Variants in HS3ST2 observed in about 807,000 individuals in gnomAD.
HS3ST2 encodes the protein heparan sulfate glucosamine 3-O-sulfotransferase 2.
HS3ST2 carries 17 observed loss-of-function variants against 26.3 expected under a neutral mutation model. The observed-to-expected ratio is 0.65, with a 90% confidence interval of 0.44 to 0.97. HS3ST2 has a LOEUF of 0.97. Ranked by LOEUF, HS3ST2 falls within the 50% of genes least tolerant of loss-of-function variation. The probability of loss-of-function intolerance (pLI) is 0.00; values close to 1 mark genes in which losing one functional copy is unlikely to be tolerated. For missense variants in HS3ST2, 402 were observed against 501.2 expected, an observed-to-expected ratio of 0.80 and a Z score of 1.89; for synonymous variants, 237 against 219.2, an observed-to-expected ratio of 1.08 and a Z score of -0.72.
chr16:22,831,954 G>A (rs1901176590), intron 1 of HS3ST2, among the ~76,000 whole-genome samples: 2 of 151,898 alleles, frequency 1.3e-5, no homozygotes. Flanking sequence ...TGATTTTACT[G>A]GAAGATAATT....
intron 1 of HS3ST2, among the ~76,000 whole-genome samples, chr16:22,893,802 T>C (rs1041208975): frequency 1.3e-5 from 2 of 151,952 alleles, no homozygotes; most frequent in Non-Finnish European, 2.9e-5. Flanking sequence ...TGTTTTTTCT[T>C]TTTTTGAAGC....
chr16:22,862,275 C>CT (rs397855284), intron 1 of HS3ST2, among the ~76,000 whole-genome samples: 10,441 of 123,132 alleles, frequency 0.085, 579 homozygotes, highest in East Asian at 0.14. Context: ...TTCTCCTCAG[C>CT]TTTTTTTTTT....
intron 1 of HS3ST2, among the ~76,000 whole-genome samples, chr16:22,911,758 A>G (rs1285919307): frequency 6.6e-6 from 1 of 152,164 alleles, no homozygotes; most frequent in East Asian, 1.9e-4. Context: ...CTAATCCGGG[A>G]TGATCTCATA....
intron 1 of HS3ST2, among the ~76,000 whole-genome samples, chr16:22,886,786 G>C (rs1260019766): frequency 1.3e-5 from 2 of 151,600 alleles, no homozygotes; most frequent in Non-Finnish European, 2.9e-5. Flanking sequence ...TTTTAAGAGA[G>C]GATCTTGCTC....
chr16:22,839,645 CA>C (rs1436483025), intron 1 of HS3ST2, among the ~76,000 whole-genome samples: 3 of 151,626 alleles, frequency 2.0e-5, no homozygotes, highest in Non-Finnish European at 2.9e-5. Context: ...AGATGACATA[CA>C]GTTTTTTTCC....
chr16:22,895,070 C>CTTTTTTTTTTT (rs55861016), intron 1 of HS3ST2, among the ~76,000 whole-genome samples: 2 of 134,720 alleles, frequency 1.5e-5, no homozygotes, highest in Non-Finnish European at 3.2e-5. Context: ...TTCTTTCTTT[C>CTTTTTTTTTTT]TTTTTTTTTT....
In HS3ST2 at chr16:22,814,998, G is replaced by A. The variant is rs145617070; in HGVS notation, c.388G>A (p.Val130Met). ...CGTGAAGAAGGGGGGCACCCGGGCC[G>A]TGCTGGAGTTTATCCGAGTACACCC... is the stretch of plus-strand genomic sequence containing the variant. ...VGVKKGGTRAVLEFIRVHPDV... is the reference protein window; with the variant it reads ...VGVKKGGTRAMLEFIRVHPDV... The change falls in exon 1 of 2, where the codon GTG (valine) becomes ATG (methionine). Residue 130 changes from valine to methionine, a missense_variant. Transcript: ENST00000261374. The A allele has an allele frequency of 6.2e-7, 1 of 1,613,150 alleles. No individual in the cohort carries two copies. The highest frequency in any genetic ancestry group is 1.1e-5 in the South Asian group (1 of 91,068).
chr16:22,868,752 TG>T (rs1456807331), intron 1 of HS3ST2, among the ~76,000 whole-genome samples: 5 of 152,156 alleles, frequency 3.3e-5, no homozygotes, highest in African/African-American at 9.7e-5. Context: ...GTCCCTGAGC[TG>T]GGGGCGCCTG....
At chr16:22,848,802 T>C (rs986086777) in intron 1 of HS3ST2, among the ~76,000 whole-genome samples, 4 of 152,200 alleles carry the variant, frequency 2.6e-5, no homozygotes, top group South Asian at 2.1e-4. Context: ...GGCTCTATGA[T>C]TATCCCCATG....
At chr16:22,842,019 A>G (rs1596610867) in intron 1 of HS3ST2, among the ~76,000 whole-genome samples, 2 of 143,668 alleles carry the variant, frequency 1.4e-5, no homozygotes, top group South Asian at 2.2e-4. Context: ...TTTTCGCTGT[A>G]TCTTTGGTGT....
At chr16:22,851,621 G>A (rs1034489743) in intron 1 of HS3ST2, among the ~76,000 whole-genome samples, 4 of 152,136 alleles carry the variant, frequency 2.6e-5, no homozygotes, top group African/African-American at 9.7e-5. Context: ...CCTGATTCCT[G>A]GGAGTTTCCC....
intron 1 of HS3ST2, among the ~76,000 whole-genome samples, chr16:22,886,844 T>C (rs1181543937): frequency 1.3e-5 from 2 of 152,084 alleles, no homozygotes; most frequent in East Asian, 3.9e-4. Flanking sequence ...CACTGCAGCC[T>C]GAAGCTCCTG....
intron 1 of HS3ST2, among the ~76,000 whole-genome samples, chr16:22,882,608 C>T (rs1386876399): frequency 1.2e-4 from 19 of 152,160 alleles, no homozygotes; most frequent in Non-Finnish European, 1.5e-5. Context: ...GTGGCATGCG[C>T]CTATAGTCCC....
At chr16:22,912,744 C>T (rs1015105330) in intron 1 of HS3ST2, among the ~76,000 whole-genome samples, 3 of 152,060 alleles carry the variant, frequency 2.0e-5, no homozygotes, top group African/African-American at 7.3e-5. Flanking sequence ...AATTTACCAC[C>T]CTACAAAAAG....
intron 1 of HS3ST2, among the ~76,000 whole-genome samples, chr16:22,820,762 C>A (rs2141174397): frequency 6.6e-6 from 1 of 152,322 alleles, no homozygotes; most frequent in African/African-American, 2.4e-5. Flanking sequence ...GTTACAGGAG[C>A]ATTTTAGGTG....
At chr16:22,862,705 T>C (rs1901696619) in intron 1 of HS3ST2, among the ~76,000 whole-genome samples, 1 of 152,174 alleles carries the variant, frequency 6.6e-6, no homozygotes, top group African/African-American at 2.4e-5. Flanking sequence ...TCAAGGGGTA[T>C]TCAAGGCATG....
intron 1 of HS3ST2, among the ~76,000 whole-genome samples, chr16:22,817,787 G>T (rs758668557): frequency 1.6e-4 from 25 of 152,294 alleles, no homozygotes; most frequent in South Asian, 4.1e-4. Context: ...GTGGATCTTA[G>T]TATGATCTGC....
In HS3ST2 at chr16:22,816,585, A is replaced by G. The variant is rs376639698; in HGVS notation, c.485+1490A>G. 1.6e-4 allele frequency among the ~76,000 whole-genome samples: 25 copies of G among 152,286 alleles called. No individual in the cohort carries two copies. In the South Asian group the frequency reaches 5.2e-3, roughly 32 times the overall value. On this transcript the variant is annotated intron_variant, in intron 1 of 1. Coordinates refer to ENST00000261374, the MANE Select transcript of HS3ST2 (RefSeq NM_006043.2). ...GCCTGTGGGTGGCCCCAGCACCATTATGTCTGGTTAATAGGGTAGGGTGGC... is the reference window on the plus strand; with the variant it reads ...GCCTGTGGGTGGCCCCAGCACCATTGTGTCTGGTTAATAGGGTAGGGTGGC...
intron 1 of HS3ST2, among the ~76,000 whole-genome samples, chr16:22,912,854 C>T (rs1048091243): frequency 2.6e-5 from 4 of 151,894 alleles, no homozygotes; most frequent in Non-Finnish European, 2.9e-5. Context: ...CACAGGTGGG[C>T]GTGTCTTGTG....
Sources: gnomAD v4.1 joint callset for allele counts (sites outside exome capture counted in the v4.1 genomes callset) on GRCh38, gnomAD v4.1.1 for gene constraint, MANE v1.5 for transcripts, NCBI Gene and HGNC (gene_info 2026-07-23, HGNC 2026-07-21) for gene names.